KCND2: variants seen among roughly 807,000 people sequenced by gnomAD.
KCND2 encodes A-type voltage-gated potassium channel KCND2.
Under a neutral mutation model 54.4 loss-of-function variants are expected in KCND2, and 16 were observed. That is an observed-to-expected ratio of 0.29 (90% CI 0.20 to 0.45). The LOEUF is 0.45. KCND2 is among the 20% of genes least tolerant of loss of function. KCND2 has a pLI of 1.00. For missense variants in KCND2, 486 were observed against 824.2 expected (o/e 0.59, Z 5.02); for synonymous variants, 317 against 310.7 (o/e 1.02, Z -0.21).
At chr7:120,318,167 GT>G (rs1406817545) in intron 1 of KCND2, among the ~76,000 whole-genome samples, 1 of 152,074 alleles carries the variant, frequency 6.6e-6, no homozygotes, top group Non-Finnish European at 1.5e-5. Context: ...TCTAAAATTA[GT>G]ATCAACACTA....
chr7:120,547,598 T>A (rs1387327466), intron 1 of KCND2, among the ~76,000 whole-genome samples: 2 of 152,042 alleles, frequency 1.3e-5, no homozygotes. Context: ...CCAAGGGTGA[T>A]ATAGGTTTCA....
intron 1 of KCND2, among the ~76,000 whole-genome samples, chr7:120,608,530 A>G (rs535391597): frequency 6.6e-6 from 1 of 152,178 alleles, no homozygotes; most frequent in Admixed American, 6.5e-5. Flanking sequence ...AAAATAGATT[A>G]TTTTGTCTCT....
intron 1 of KCND2, among the ~76,000 whole-genome samples, chr7:120,444,979 A>T (rs1222912549): frequency 6.6e-6 from 1 of 152,084 alleles, no homozygotes; most frequent in Non-Finnish European, 1.5e-5. Flanking sequence ...ATTTCAGGCA[A>T]TTTAATTTTC....
chr7:120,395,645 A>G (rs1389475571), intron 1 of KCND2, among the ~76,000 whole-genome samples: 2 of 152,016 alleles, frequency 1.3e-5, no homozygotes, highest in Non-Finnish European at 2.9e-5. Flanking sequence ...TTCTAATTAT[A>G]TGCTAAGTAA....
chr7:120,297,697 T>C (rs1035192462), intron 1 of KCND2, among the ~76,000 whole-genome samples: 8 of 152,182 alleles, frequency 5.3e-5, no homozygotes, highest in African/African-American at 1.9e-4. Context: ...ACTTCTGTTA[T>C]ATTTAACTTG....
intron 1 of KCND2, among the ~76,000 whole-genome samples, chr7:120,291,654 G>A (rs1486787288): frequency 6.6e-6 from 1 of 151,844 alleles, no homozygotes; most frequent in Non-Finnish European, 1.5e-5. Flanking sequence ...TAAGTTATGT[G>A]CAGATCTGGG....
chr7:120,455,803 T>A (rs1166483442), intron 1 of KCND2, among the ~76,000 whole-genome samples: 1 of 152,062 alleles, frequency 6.6e-6, no homozygotes, highest in Admixed American at 6.6e-5. Context: ...TGGATACATA[T>A]GTACTTCAGG....
chr7:120,662,302 C>A (rs1253679207), intron 1 of KCND2, among the ~76,000 whole-genome samples: 1 of 152,158 alleles, frequency 6.6e-6, no homozygotes, highest in Non-Finnish European at 1.5e-5. Context: ...GCACTATAAT[C>A]TTCTCCTAAA....
chr7:120,303,962 G>C (rs1799617685), intron 1 of KCND2, among the ~76,000 whole-genome samples: 1 of 152,100 alleles, frequency 6.6e-6, no homozygotes, highest in Non-Finnish European at 1.5e-5. Flanking sequence ...CTCAATTACT[G>C]TTGTTATTAA....
At chr7:120,697,582 A>G (rs982827988) in intron 1 of KCND2, among the ~76,000 whole-genome samples, 1 of 152,232 alleles carries the variant, frequency 6.6e-6, no homozygotes. Flanking sequence ...TATCCTTCAG[A>G]GAAATTACAT....
At chr7:120,329,902 G>GTTGT (rs1800037753) in intron 1 of KCND2, among the ~76,000 whole-genome samples, 1 of 152,128 alleles carries the variant, frequency 6.6e-6, no homozygotes, top group Non-Finnish European at 1.5e-5. Context: ...CAGGACTCAT[G>GTTGT]TTGTTTAATT....
chr7:120,399,869 G>A (rs1801220330), intron 1 of KCND2, among the ~76,000 whole-genome samples: 1 of 151,830 alleles, frequency 6.6e-6, no homozygotes, highest in African/African-American at 2.4e-5. Context: ...GGAAGTACAG[G>A]TGCCTGCCAC....
chr7:120,491,314 C>T (rs1043816781), intron 1 of KCND2, among the ~76,000 whole-genome samples: 8 of 152,050 alleles, frequency 5.3e-5, no homozygotes, highest in East Asian at 1.9e-4. Flanking sequence ...TAGTAGTTAT[C>T]GGGTGCCTAC....
At chr7:120,742,398 A>C in intron 3 of KCND2, 112 bp from the exon 4 acceptor site, 1 of 874,112 alleles carries the variant, frequency 1.1e-6, no homozygotes, top group Non-Finnish European at 2.0e-6. Context: ...AGTTAGAAAA[A>C]AATAAAATGT....
intron 1 of KCND2, among the ~76,000 whole-genome samples, chr7:120,405,722 G>A (rs1253025371): frequency 6.6e-6 from 1 of 152,118 alleles, no homozygotes. Flanking sequence ...CTTCTTGTTT[G>A]TCAGGTGGTT....
At chr7:120,310,570 T>A (rs1799722635) in intron 1 of KCND2, among the ~76,000 whole-genome samples, 1 of 152,098 alleles carries the variant, frequency 6.6e-6, no homozygotes. Context: ...TAGAATCAAT[T>A]TGGTAAATAT....
chr7:120,709,215 T>C (rs1392563042), intron 1 of KCND2, among the ~76,000 whole-genome samples: 1 of 152,168 alleles, frequency 6.6e-6, no homozygotes, highest in East Asian at 1.9e-4. Context: ...ACTTGTGATA[T>C]TTTTATTTGC....
chr7:120,692,872 G>T (rs961575966), intron 1 of KCND2, among the ~76,000 whole-genome samples: 1 of 152,130 alleles, frequency 6.6e-6, no homozygotes, highest in African/African-American at 2.4e-5. Context: ...TCTATTGATT[G>T]GTTGTAATGT....
At chr7:120,629,583 A>G (rs1363420650) in intron 1 of KCND2, among the ~76,000 whole-genome samples, 1 of 152,220 alleles carries the variant, frequency 6.6e-6, no homozygotes, top group African/African-American at 2.4e-5. Context: ...AGTGAGGTGG[A>G]AATTAACTAA....
Sources: allele counts gnomAD v4.1 joint callset (sites outside exome capture counted in the v4.1 genomes callset), GRCh38; gene constraint gnomAD v4.1.1; transcripts MANE v1.5; gene names NCBI Gene and HGNC (gene_info 2026-07-23, HGNC 2026-07-21).